The following ATAD2B variants were observed in gnomAD, a reference collection of about 807,000 sequenced individuals.
The protein encoded by ATAD2B is ATPase family AAA domain-containing protein 2B.
ATAD2B carries 40 observed loss-of-function variants against 167.6 expected under a neutral mutation model. The ratio of observed to expected loss-of-function variants is 0.24; its 90% CI spans 0.19 to 0.31. The LOEUF is 0.31. Among genes scored for constraint, ATAD2B ranks in the 10% least tolerant of loss-of-function variants. The probability of loss-of-function intolerance (pLI) is 1.00; values close to 1 mark genes in which losing one functional copy is unlikely to be tolerated. For missense variants in ATAD2B, 1,242 were observed against 1,757.2 expected (o/e 0.71, Z 5.24); for synonymous variants, 579 against 596.5 (o/e 0.97, Z 0.43).
At chr2:23,684,926 C>G in the ATAD2B span, among the ~76,000 whole-genome samples, 1 of 152,220 alleles carries the variant, frequency 6.6e-6, no homozygotes, top group Non-Finnish European at 1.5e-5. The surrounding 1 kb of genome is among the most constrained non-coding windows in gnomAD (Gnocchi z 4.4). Context: ...CGGGCCAGAG[C>G]AGGATCCCCA....
chr2:23,713,264 G>A, the ATAD2B span, among the ~76,000 whole-genome samples: 10 of 152,218 alleles, frequency 6.6e-5, no homozygotes, highest in East Asian at 1.9e-4. Flanking sequence ...GGGACTTTAC[G>A]TTCCTGTTAG....
At chr2:23,765,483 C>A (rs1421307866) in intron 23 of ATAD2B, 23 bp downstream of exon 23, 4 of 1,593,404 alleles carry the variant, frequency 2.5e-6, no homozygotes, top group Middle Eastern at 1.7e-4. Context: ...GGCTTCAGTA[C>A]CAAGTTTATT....
At chr2:23,686,303 G>A in the ATAD2B span, among the ~76,000 whole-genome samples, 6 of 152,224 alleles carry the variant, frequency 3.9e-5, no homozygotes, top group African/African-American at 1.2e-4. Flanking sequence ...GATGTGTCTC[G>A]GTGGCCCTCA....
intron 1 of ATAD2B, among the ~76,000 whole-genome samples, chr2:23,914,067 A>T (rs755809225): frequency 2.0e-5 from 3 of 152,168 alleles, no homozygotes; most frequent in Non-Finnish European, 4.4e-5. Flanking sequence ...TGGGCAACAC[A>T]GCAATAACCC....
chr2:23,841,245 G>C (rs1690857972), intron 13 of ATAD2B, among the ~76,000 whole-genome samples: 1 of 151,028 alleles, frequency 6.6e-6, no homozygotes, highest in South Asian at 2.1e-4. Flanking sequence ...CAGCCTAATT[G>C]TTATATCTTC....
At chr2:23,840,804 C>T (rs1690770951) in intron 13 of ATAD2B, among the ~76,000 whole-genome samples, 1 of 152,142 alleles carries the variant, frequency 6.6e-6, no homozygotes, top group African/African-American at 2.4e-5. Flanking sequence ...GAGAGATGTA[C>T]AGGATCTCTC....
intron 1 of ATAD2B, among the ~76,000 whole-genome samples, chr2:23,907,065 G>T (rs1490243241): frequency 6.6e-6 from 1 of 151,180 alleles, no homozygotes; most frequent in Non-Finnish European, 1.5e-5. Flanking sequence ...CACAACACAG[G>T]GATGCCCTCT....
intron 22 of ATAD2B, among the ~76,000 whole-genome samples, chr2:23,771,603 G>A (rs771183616): frequency 6.6e-6 from 1 of 152,118 alleles, no homozygotes; most frequent in Non-Finnish European, 1.5e-5. Context: ...TGATATGGTT[G>A]CTATTTATTT....
the ATAD2B span, among the ~76,000 whole-genome samples, chr2:23,732,052 C>T: frequency 6.6e-6 from 1 of 151,968 alleles, no homozygotes; most frequent in East Asian, 1.9e-4. Flanking sequence ...AATTACTGTG[C>T]ATTTTGACAC....
At chr2:23,689,842 C>T in the ATAD2B span, 78,197 of 152,246 alleles carry the variant, frequency 0.51, 21,253 homozygotes, top group East Asian at 0.78. Context: ...ATTATTTTTA[C>T]GCTTAACAAA....
intron 13 of ATAD2B, among the ~76,000 whole-genome samples, chr2:23,845,024 G>A (rs1691521478): frequency 6.6e-6 from 1 of 151,574 alleles, no homozygotes; most frequent in Admixed American, 6.6e-5. Context: ...AGAAATAAAA[G>A]CATAATTCAT....
chr2:23,780,113 T>C (rs1679768937), intron 22 of ATAD2B, among the ~76,000 whole-genome samples: 1 of 151,854 alleles, frequency 6.6e-6, no homozygotes, highest in Non-Finnish European at 1.5e-5. Context: ...CCAGGTGTGG[T>C]GGCGTGTGCC....
At chr2:23,922,680 C>A (rs1247308611) in intron 1 of ATAD2B, among the ~76,000 whole-genome samples, 1 of 137,080 alleles carries the variant, frequency 7.3e-6, no homozygotes, top group Non-Finnish European at 1.5e-5. Context: ...CCAGCCTGGG[C>A]ATCAGAGTAA....
intron 2 of ATAD2B, among the ~76,000 whole-genome samples, chr2:23,890,461 A>T (rs906554589): frequency 1.3e-5 from 2 of 152,196 alleles, no homozygotes; most frequent in Non-Finnish European, 2.9e-5. Context: ...AACTAAATGG[A>T]TGTAATACAG....
chr2:23,825,110 T>C (rs1045826579), intron 15 of ATAD2B, among the ~76,000 whole-genome samples: 1 of 19,500 alleles, frequency 5.1e-5, no homozygotes, highest in Non-Finnish European at 9.2e-5. Context: ...ATCAGGCTAA[T>C]TTTTTTTTTT....
chr2:23,786,383 T>C (rs903110950), intron 20 of ATAD2B, among the ~76,000 whole-genome samples, 160 bp from the exon 21 acceptor site: 5 of 152,122 alleles, frequency 3.3e-5, no homozygotes, highest in Admixed American at 2.0e-4. Context: ...TTAGGCAATT[T>C]TGTCATTGTG....
chr2:23,915,063 T>C (rs1169231894), intron 1 of ATAD2B, among the ~76,000 whole-genome samples: 1 of 152,070 alleles, frequency 6.6e-6, no homozygotes, highest in African/African-American at 2.4e-5. Context: ...TAGGTACCTA[T>C]CTCTTGAGGG....
At chr2:23,912,631 C>CT (rs1023588310) in intron 1 of ATAD2B, among the ~76,000 whole-genome samples, 5 of 151,892 alleles carry the variant, frequency 3.3e-5, no homozygotes, top group Non-Finnish European at 4.4e-5. Flanking sequence ...ATAAAATTTA[C>CT]TTTAAAAAAA....
At chr2:23,797,215 AT>A (rs1485993399) in intron 19 of ATAD2B, among the ~76,000 whole-genome samples, 1 of 152,100 alleles carries the variant, frequency 6.6e-6, no homozygotes, top group African/African-American at 2.4e-5. Flanking sequence ...TATAAACATC[AT>A]TCCTACTTTG....
Sources: gnomAD v4.1 joint callset for allele counts (sites outside exome capture counted in the v4.1 genomes callset) on GRCh38, gnomAD v4.1.1 for gene constraint, Gnocchi (gnomAD v3.1) non-coding constraint, MANE v1.5 for transcripts, NCBI Gene and HGNC (gene_info 2026-07-23, HGNC 2026-07-21) for gene names.